TBC1D32: variants seen among roughly 807,000 people sequenced by gnomAD.
TBC1D32 encodes TBC1 domain family member 32.
Under a neutral mutation model 170.3 loss-of-function variants are expected in TBC1D32, and 151 were observed. That is an observed-to-expected ratio of 0.89 (90% CI 0.78 to 1.01). TBC1D32 has a LOEUF of 1.01. Among genes scored for constraint, TBC1D32 ranks in the 50% least tolerant of loss-of-function variants. The pLI is 0.00. For missense variants in TBC1D32, 1,464 were observed against 1,457.1 expected (o/e 1.00, Z -0.08); for synonymous variants, 498 against 488.0 (o/e 1.02, Z -0.27).
At chr6:121,199,682 G>A (rs1273451070) in intron 22 of TBC1D32, among the ~76,000 whole-genome samples, 1 of 150,884 alleles carries the variant, frequency 6.6e-6, no homozygotes, top group Admixed American at 6.6e-5. Flanking sequence ...AATATGGATG[G>A]TTTTGTCATC....
At chr6:121,249,792 T>C (rs1798063642) in intron 17 of TBC1D32, among the ~76,000 whole-genome samples, 1 of 151,554 alleles carries the variant, frequency 6.6e-6, no homozygotes, top group African/African-American at 2.4e-5. Flanking sequence ...TAAAGATCTC[T>C]ACAAAAAAAA....
At chr6:121,233,031 G>C (rs1165345233) in intron 20 of TBC1D32, among the ~76,000 whole-genome samples, 1 of 152,022 alleles carries the variant, frequency 6.6e-6, no homozygotes, top group Non-Finnish European at 1.5e-5. Flanking sequence ...GGTTCCTTTT[G>C]AAGTTAATAT....
At chr6:121,158,124 G>A (rs1239632065) in intron 24 of TBC1D32, among the ~76,000 whole-genome samples, 1 of 152,004 alleles carries the variant, frequency 6.6e-6, no homozygotes. Context: ...TCCCTCTCAA[G>A]AATGCAAATG....
At chr6:121,255,967 C>T (rs9401384) in intron 16 of TBC1D32, 117 bp downstream of exon 16, 243,299 of 866,992 alleles carry the variant, frequency 0.28, 38,259 homozygotes, top group East Asian at 0.6. Flanking sequence ...TACTGTGATG[C>T]TAAAGAAGTC....
intron 17 of TBC1D32, 48 bp from the exon 18 acceptor site, chr6:121,242,387 C>T (rs1797097822): frequency 6.3e-7 from 1 of 1,583,196 alleles, no homozygotes; most frequent in Non-Finnish European, 8.6e-7. Flanking sequence ...ATACTAAAAA[C>T]TGAAAACAAA....
At chr6:121,156,105 ATC>A (rs1784845605) in intron 24 of TBC1D32, among the ~76,000 whole-genome samples, 1 of 150,060 alleles carries the variant, frequency 6.7e-6, no homozygotes, top group African/African-American at 2.4e-5. Flanking sequence ...TTCTTTATAC[ATC>A]TAGTAGAATT....
chr6:121,148,158 C>G (rs546507964), intron 24 of TBC1D32, among the ~76,000 whole-genome samples: 4 of 151,972 alleles, frequency 2.6e-5, no homozygotes, highest in African/African-American at 9.7e-5. Context: ...CCGACAGGCC[C>G]CAGTGTGTGA....
intron 11 of TBC1D32, 79 bp downstream of exon 11, chr6:121,294,491 A>C: frequency 1.9e-6 from 2 of 1,048,938 alleles, no homozygotes; most frequent in Non-Finnish European, 2.8e-6. Flanking sequence ...TCATTAAAAA[A>C]TAAAAGTTCC....
intron 17 of TBC1D32, among the ~76,000 whole-genome samples, chr6:121,249,604 T>C (rs1417283920): frequency 6.6e-6 from 1 of 151,896 alleles, no homozygotes; most frequent in Non-Finnish European, 1.5e-5. Context: ...ATCTGATAAA[T>C]AAATTCATTC....
chr6:121,300,024 T>C (rs527275700), intron 9 of TBC1D32, among the ~76,000 whole-genome samples: 50 of 152,266 alleles, frequency 3.3e-4, no homozygotes, highest in African/African-American at 1.2e-3. Flanking sequence ...GAGCAAAATA[T>C]AGATGTAATT....
intron 18 of TBC1D32, 82 bp from the exon 19 acceptor site, chr6:121,241,634 C>G (rs1797002087): frequency 8.9e-7 from 1 of 1,126,266 alleles, no homozygotes. Context: ...ATGGTAAGAA[C>G]TGCAAAAACA....
At chr6:121,267,208 C>T (rs144912212) in intron 15 of TBC1D32, among the ~76,000 whole-genome samples, 4,976 of 151,536 alleles carry the variant, frequency 0.033, 192 homozygotes, top group East Asian at 0.12. Flanking sequence ...GCGTGAGCGA[C>T]GCAGAAGATG....
In TBC1D32 at chr6:121,292,204, A is replaced by G; in HGVS notation, c.1232-11T>C. 6.3e-7 allele frequency: 1 copy of G among 1,575,658 alleles called. No individual in the cohort carries two copies. The highest frequency in any genetic ancestry group is 2.3e-5 in the East Asian group (1 of 44,210). On this transcript the variant is annotated splice_polypyrimidine_tract_variant and intron_variant, in intron 11 of 31. Coordinates refer to ENST00000398212, the MANE Select transcript of TBC1D32 (RefSeq NM_152730.6). ...TTTTCTGCTTGTTTCCTTAAAAGAG[A>G]AGCAAACACGAATATTTATTTAGTA...
At chr6:121,288,052 A>T (rs554673491) in intron 12 of TBC1D32, among the ~76,000 whole-genome samples, 1 of 152,350 alleles carries the variant, frequency 6.6e-6, no homozygotes, top group African/African-American at 2.4e-5. Flanking sequence ...AGAAATCAGG[A>T]AAGATCTAAA....
chr6:121,095,645 G>T (rs139034727), intron 30 of TBC1D32, among the ~76,000 whole-genome samples: 131 of 152,126 alleles, frequency 8.6e-4, no homozygotes, highest in Non-Finnish European at 1.6e-3. Flanking sequence ...AGCATGAAGG[G>T]GTGCTGAATT....
At chr6:121,242,080 G>A (rs543242161) in intron 18 of TBC1D32, 121 bp downstream of exon 18, 1 of 989,844 alleles carries the variant, frequency 1.0e-6, no homozygotes, top group South Asian at 1.7e-5. Flanking sequence ...CTATTACAAT[G>A]CTATATGGTC....
At chr6:121,298,313 T>C (rs1334219615) in intron 10 of TBC1D32, among the ~76,000 whole-genome samples, 2 of 152,058 alleles carry the variant, frequency 1.3e-5, no homozygotes, top group South Asian at 2.1e-4. Context: ...ATAATTCCAT[T>C]TGCAGGTTAA....
chr6:121,259,104 C>A, intron 15 of TBC1D32, among the ~76,000 whole-genome samples: 1 of 152,016 alleles, frequency 6.6e-6, no homozygotes, highest in East Asian at 1.9e-4. Context: ...TCGAGACCAG[C>A]CTGGACAACA....
At chr6:121,169,419 T>C (rs747665341) in intron 22 of TBC1D32, among the ~76,000 whole-genome samples, 18 of 152,266 alleles carry the variant, frequency 1.2e-4, no homozygotes, top group South Asian at 2.1e-4. Context: ...AAAGTCAATG[T>C]ATTTCTTAAA....
Sources: gnomAD v4.1 joint callset for allele counts (sites outside exome capture counted in the v4.1 genomes callset) on GRCh38, gnomAD v4.1.1 for gene constraint, MANE v1.5 for transcripts, NCBI Gene and HGNC (gene_info 2026-07-23, HGNC 2026-07-21) for gene names.